The following MBNL1 variants were observed in gnomAD, a reference collection of about 807,000 sequenced individuals.
MBNL1 encodes muscleblind like splicing regulator 1.
A neutral mutation model predicts 42.2 loss-of-function variants in MBNL1; 8 were observed. The ratio of observed to expected loss-of-function variants is 0.19; its 90% CI spans 0.11 to 0.34. The LOEUF (loss-of-function observed/expected upper bound fraction) is 0.34. Among genes scored for constraint, MBNL1 ranks in the 10% least tolerant of loss-of-function variants. The pLI, the probability that MBNL1 is intolerant of heterozygous loss-of-function variation, is 1.00. For synonymous variants in MBNL1, 169 were observed against 173.9 expected, an observed-to-expected ratio of 0.97 and a Z score of 0.22; for missense variants, 309 against 495.3, an observed-to-expected ratio of 0.62 and a Z score of 3.57.
At chr3:152,444,716 C>T (rs1194889068) in intron 4 of MBNL1, among the ~76,000 whole-genome samples, 5 of 152,164 alleles carry the variant, frequency 3.3e-5, no homozygotes, top group African/African-American at 1.2e-4. Flanking sequence ...TTCTGTGACT[C>T]CAGGATCCTC....
At chr3:152,323,816 A>T (rs939448058) in intron 2 of MBNL1, among the ~76,000 whole-genome samples, 1 of 152,202 alleles carries the variant, frequency 6.6e-6, no homozygotes, top group Non-Finnish European at 1.5e-5. Context: ...GACCACCATC[A>T]TATATGTGGG....
chr3:152,323,357 G>A lies in MBNL1; in HGVS notation c.174+22990G>A, dbSNP rs116207695. ...CTAAAGGAATTTTTTTAAAGAAATA[G>A]TGTAAACATACAAATATGAATAATT... On this transcript the variant is annotated intron_variant, in intron 2 of 9. Coordinates refer to ENST00000324210, the MANE Select transcript of MBNL1 (RefSeq NM_021038.5). 3.9e-3 allele frequency among the ~76,000 whole-genome samples: 594 copies of A among 151,998 alleles called. 1 individual carries two copies. The highest frequency in any genetic ancestry group is 0.014 in the African/African-American group (564 of 41,466).
chr3:152,360,402 A>C (rs1162038850), intron 2 of MBNL1, among the ~76,000 whole-genome samples: 1 of 152,140 alleles, frequency 6.6e-6, no homozygotes, highest in East Asian at 1.9e-4. Context: ...AATTGTTTTC[A>C]TTGAAAAAAA....
At position 152,463,351 on chromosome 3, in the gene MBNL1, T is replaced by C. The variant is rs1456324877; in HGVS notation, c.*985T>C. Reference sequence around the variant, plus strand: ...GTATAACATGTTATTCAAAAGGGATTGCCATTTCTGAGACACAGTAACAAA... The same window carrying C: ...GTATAACATGTTATTCAAAAGGGATCGCCATTTCTGAGACACAGTAACAAA... On this transcript the variant is annotated 3_prime_UTR_variant, in exon 10 of 10. Coordinates refer to ENST00000324210, the MANE Select transcript of MBNL1 (RefSeq NM_021038.5). 1 of 152,350 alleles carries C rather than the reference T, an allele frequency of 6.6e-6. No individual in the cohort carries two copies. Among genetic ancestry groups the C allele is most frequent in the Non-Finnish European group, 1.5e-5 (1 of 67,922 alleles). 9.4% of individuals were successfully genotyped at this position (152,350 alleles called of 1,614,324 possible). A position where few individuals can be genotyped will look rare whatever the true frequency, so the allele number is the denominator to read the frequency against.
intron 2 of MBNL1, among the ~76,000 whole-genome samples, chr3:152,316,232 T>G (rs759491895): frequency 6.6e-6 from 1 of 152,218 alleles, no homozygotes. Context: ...TTTTAAAAAA[T>G]GCACGTTAAA....
At chr3:152,290,827 C>T (rs150170813) in intron 1 of MBNL1, among the ~76,000 whole-genome samples, 62 of 152,220 alleles carry the variant, frequency 4.1e-4, no homozygotes, top group Middle Eastern at 3.4e-3. Context: ...AACAGTATTA[C>T]TGTGTGTTGC....
intron 2 of MBNL1, among the ~76,000 whole-genome samples, chr3:152,352,830 G>A (rs2095174423): frequency 6.6e-6 from 1 of 152,226 alleles, no homozygotes; most frequent in Non-Finnish European, 1.5e-5. Context: ...TGTTGTGTCA[G>A]TGCTCACTTA....
At chr3:152,460,627 A>C (rs1224897669) in intron 9 of MBNL1, among the ~76,000 whole-genome samples, 4 of 152,022 alleles carry the variant, frequency 2.6e-5, no homozygotes, top group Non-Finnish European at 5.9e-5. Flanking sequence ...AAAAAACAAA[A>C]AAAAAAACCA....
intron 2 of MBNL1, among the ~76,000 whole-genome samples, chr3:152,252,173 T>C (rs1003181294): frequency 1.2e-4 from 13 of 111,304 alleles, no homozygotes; most frequent in South Asian, 3.2e-4. Context: ...CCTTCCTTCC[T>C]TCCTTCCCTC....
At chr3:152,293,624 T>G (rs1156743253) in intron 1 of MBNL1, among the ~76,000 whole-genome samples, 1 of 152,208 alleles carries the variant, frequency 6.6e-6, no homozygotes, top group Non-Finnish European at 1.5e-5. Context: ...ATTGAAACTA[T>G]CTTAATAAAC....
At chr3:152,375,400 A>T (rs1218210097) in intron 2 of MBNL1, among the ~76,000 whole-genome samples, 1 of 152,216 alleles carries the variant, frequency 6.6e-6, no homozygotes, top group Non-Finnish European at 1.5e-5. Flanking sequence ...TTATGCATAC[A>T]AATATTTATA....
At chr3:152,432,650 A>T in intron 3 of MBNL1, 67 bp from the exon 4 acceptor site, 1 of 1,360,224 alleles carries the variant, frequency 7.4e-7, no homozygotes, top group East Asian at 2.3e-5. Flanking sequence ...GGACAAATGT[A>T]TAATTAAGAA....
At chr3:152,364,406 C>T (rs1239922871) in intron 2 of MBNL1, among the ~76,000 whole-genome samples, 1 of 151,964 alleles carries the variant, frequency 6.6e-6, no homozygotes, top group South Asian at 2.1e-4. Flanking sequence ...ACATGTCAAG[C>T]ATATGTAAGG....
At chr3:152,461,614 C>T in intron 9 of MBNL1, among the ~76,000 whole-genome samples, 1 of 152,110 alleles carries the variant, frequency 6.6e-6, no homozygotes, top group East Asian at 1.9e-4. Flanking sequence ...AATGATTGCT[C>T]ATCTTCATGA....
At chr3:152,422,285 AG>A (rs922904654) in intron 3 of MBNL1, among the ~76,000 whole-genome samples, 2 of 150,198 alleles carry the variant, frequency 1.3e-5, no homozygotes, top group African/African-American at 4.9e-5. Flanking sequence ...AAAAAAAAAA[AG>A]CAGGAGTTGC....
In MBNL1 at chr3:152,445,468, A is replaced by G; in HGVS notation, c.736A>G (p.Lys246Glu). 6.2e-7 allele frequency: 1 copy of G among 1,614,128 alleles called. No individual in the cohort carries two copies. Among genetic ancestry groups the G allele is most frequent in the Non-Finnish European group, 8.5e-7 (1 of 1,179,984 alleles). The change falls in exon 5 of 10, where the codon AAG (lysine) becomes GAG (glutamate). Residue 246 changes from lysine (K) to glutamate (E), a missense_variant. Transcript: ENST00000324210. ...TCATCCCCCTGCACATTTGCAAGCC[A>G]AGATCAAGGCTGCCCAATACCAGGT... ...YFHPPAHLQAKIKAAQYQVNQ... is the reference protein window; with the variant it reads ...YFHPPAHLQAEIKAAQYQVNQ...
At chr3:152,332,290 G>A (rs2085238922) in intron 2 of MBNL1, among the ~76,000 whole-genome samples, 1 of 152,162 alleles carries the variant, frequency 6.6e-6, no homozygotes, top group Admixed American at 6.5e-5. Context: ...ATGTCAAAAT[G>A]TGCTTTCTAG....
chr3:152,279,299 A>G (rs1353628402), intron 1 of MBNL1, among the ~76,000 whole-genome samples: 2 of 152,116 alleles, frequency 1.3e-5, no homozygotes, highest in Non-Finnish European at 2.9e-5. Flanking sequence ...TTATTTGCCT[A>G]AATCCACATA....
intron 8 of MBNL1, among the ~76,000 whole-genome samples, chr3:152,456,665 G>T (rs554335602): frequency 1.3e-5 from 2 of 152,154 alleles, no homozygotes; most frequent in South Asian, 4.1e-4. Context: ...TCAACCAATC[G>T]TGCAGGTATT....
Sources: gnomAD v4.1 joint callset for allele counts (sites outside exome capture counted in the v4.1 genomes callset) on GRCh38, gnomAD v4.1.1 for gene constraint, MANE v1.5 for transcripts, NCBI Gene and HGNC (gene_info 2026-07-23, HGNC 2026-07-21) for gene names.